The following ERCC8 variants were observed in gnomAD, a reference collection of about 807,000 sequenced individuals.
ERCC8 encodes the protein DNA excision repair protein ERCC-8.
ERCC8 carries 52 observed loss-of-function variants against 54.9 expected under a neutral mutation model. That is an observed-to-expected ratio of 0.95 (90% CI 0.76 to 1.19). ERCC8 has a LOEUF of 1.19. ERCC8 is among the 50% of genes most tolerant of loss of function. ERCC8 has a pLI of 0.00. For synonymous variants in ERCC8, 146 were observed against 157.2 expected (o/e 0.93, Z 0.53); for missense variants, 514 against 466.1 (o/e 1.10, Z -0.95).
intron 4 of ERCC8, among the ~76,000 whole-genome samples, chr5:60,912,045 T>C (rs565052971): frequency 1.3e-5 from 2 of 152,274 alleles, no homozygotes; most frequent in Admixed American, 1.3e-4. Context: ...AGCTTTGTTC[T>C]TTTGGCTTAG....
chr5:60,924,856 T>C (rs1749702085), intron 2 of ERCC8, among the ~76,000 whole-genome samples: 1 of 152,152 alleles, frequency 6.6e-6, no homozygotes, highest in Non-Finnish European at 1.5e-5. Flanking sequence ...AATATTTTTA[T>C]TTCTAATTTT....
Position 60,874,609 on chromosome 5 carries a change from T to C in ERCC8, c.*6A>G. On this transcript the variant is annotated 3_prime_UTR_variant, in exon 12 of 12. Coordinates refer to ENST00000676185, the MANE Select transcript of ERCC8 (RefSeq NM_000082.4). ...AGCAGAGACAAAAAGGTACTAAAGA[T>C]GATATTCATCCTTCTTCATCACTGC... 1 of 1,612,870 alleles carries C rather than the reference T, an allele frequency of 6.2e-7. No individual in the cohort carries two copies.
At chr5:60,911,998 G>T (rs985949763) in intron 4 of ERCC8, among the ~76,000 whole-genome samples, 7 of 151,958 alleles carry the variant, frequency 4.6e-5, no homozygotes, top group Admixed American at 3.3e-4. Context: ...ACTGTAGCCT[G>T]GTAGTACAGT....
chr5:60,879,960 T>C (rs1748153312), intron 11 of ERCC8, among the ~76,000 whole-genome samples: 1 of 152,228 alleles, frequency 6.6e-6, no homozygotes, highest in Non-Finnish European at 1.5e-5. Context: ...CTTCCTAGCC[T>C]TGATGGTCTT....
chr5:60,906,967 C>T (rs1466155046), intron 4 of ERCC8, among the ~76,000 whole-genome samples: 3 of 152,104 alleles, frequency 2.0e-5, no homozygotes, highest in Non-Finnish European at 4.4e-5. Context: ...CCAAAACCTA[C>T]TTTATTTACA....
chr5:60,871,923 C>G lies in ERCC8; in HGVS notation c.*2692G>C, dbSNP rs1747872324. Among the ~76,000 whole-genome samples, 1 of 152,100 alleles carries G rather than the reference C, an allele frequency of 6.6e-6. No individual in the cohort carries two copies. The highest frequency in any genetic ancestry group is 6.6e-5 in the Admixed American group (1 of 15,262). ...TCAAGTGATTCCCCAGCCTGAGTCT[C>G]CCAAGTAGCTGGGACTACAGGTGTG... On this transcript the variant is annotated 3_prime_UTR_variant, in exon 12 of 12. Coordinates refer to ENST00000676185, the MANE Select transcript of ERCC8 (RefSeq NM_000082.4).
At chr5:60,875,841 C>T (rs1341396716) in intron 11 of ERCC8, among the ~76,000 whole-genome samples, 1 of 152,022 alleles carries the variant, frequency 6.6e-6, no homozygotes, top group Non-Finnish European at 1.5e-5. Flanking sequence ...GGACTACAGA[C>T]GCCTGCCACC....
chr5:60,880,241 A>T (rs1210383863), intron 11 of ERCC8, among the ~76,000 whole-genome samples: 1 of 152,190 alleles, frequency 6.6e-6, no homozygotes, highest in Non-Finnish European at 1.5e-5. Flanking sequence ...ATCTGCTGTT[A>T]GTCTGATGGG....
intron 4 of ERCC8, chr5:60,910,008 T>A (rs1363384413): frequency 6.6e-6 from 1 of 151,940 alleles, no homozygotes; most frequent in Non-Finnish European, 1.5e-5. Flanking sequence ...ATGTATTACA[T>A]ATAACATACA....
chr5:60,879,209 T>C (rs1324793788), intron 11 of ERCC8, among the ~76,000 whole-genome samples: 4 of 152,272 alleles, frequency 2.6e-5, no homozygotes, highest in African/African-American at 9.6e-5. Context: ...TGAGTTCTAG[T>C]TTGATTGCAC....
chr5:60,923,434 T>C (rs1236031199), intron 2 of ERCC8, among the ~76,000 whole-genome samples: 6 of 152,094 alleles, frequency 3.9e-5, no homozygotes, highest in Non-Finnish European at 8.8e-5. Context: ...TGGCATAAAA[T>C]TGTCTAAAAA....
chr5:60,912,791 T>A lies in ERCC8; in HGVS notation c.399+5474A>T, dbSNP rs1269350902. 2.6e-5 allele frequency among the ~76,000 whole-genome samples: 4 copies of A among 152,152 alleles called. No homozygotes were observed. In the East Asian group the frequency reaches 7.7e-4, roughly 29 times the overall value. ...ATCAATACCTAGTTTATTGAGAGTTTTTGGCATGAAGGGCTGTTGCATTTT... is the reference window on the plus strand; with the variant it reads ...ATCAATACCTAGTTTATTGAGAGTTATTGGCATGAAGGGCTGTTGCATTTT... On this transcript the variant is annotated intron_variant, in intron 4 of 11. Transcript: ENST00000676185.
At chr5:60,877,858 T>A (rs1748063897) in intron 11 of ERCC8, among the ~76,000 whole-genome samples, 1 of 152,202 alleles carries the variant, frequency 6.6e-6, no homozygotes, top group Admixed American at 6.5e-5. Flanking sequence ...CTGAATACCC[T>A]TTATTTCCTT....
At chr5:60,943,088 T>C (rs906896102) in intron 1 of ERCC8, among the ~76,000 whole-genome samples, 4 of 151,906 alleles carry the variant, frequency 2.6e-5, no homozygotes, top group Non-Finnish European at 4.4e-5. Context: ...ATGGGAAACA[T>C]AGGGAGACCC....
chr5:60,886,270 G>A (rs1225225583), intron 11 of ERCC8, among the ~76,000 whole-genome samples: 2 of 152,002 alleles, frequency 1.3e-5, no homozygotes, highest in Admixed American at 6.6e-5. Context: ...CAATGGTCTT[G>A]TTCATCTTTG....
rs867667784 is a variant in ERCC8 at position 60,899,496 on chromosome 5, C to T, written c.718+131G>A. The T allele has an allele frequency of 2.1e-4, 139 of 671,148 alleles. No individual in the cohort carries two copies. In the Middle Eastern group the frequency reaches 3.1e-3, roughly 15 times the overall value. The allele number at this position is 671,148 out of a possible 1,614,324, so 41.6% of individuals were successfully genotyped here. A position where few individuals can be genotyped will look rare whatever the true frequency, so the allele number is the denominator to read the frequency against. The stretch of plus-strand genomic sequence containing the variant: ...TTATGTAAATTAAGAAAGTGATATA[C>T]GATGAATGCCTTTTGAAAAATCATA... On this transcript the variant is annotated intron_variant, in intron 8 of 11. Coordinates refer to ENST00000676185, the MANE Select transcript of ERCC8 (RefSeq NM_000082.4).
At chr5:60,922,556 G>A (rs1297553260) in intron 2 of ERCC8, among the ~76,000 whole-genome samples, 1 of 152,092 alleles carries the variant, frequency 6.6e-6, no homozygotes, top group African/African-American at 2.4e-5. Context: ...CTCTGGGCAA[G>A]TTATACCACC....
At chr5:60,915,108 A>C (rs1015643193) in intron 4 of ERCC8, 9 of 152,072 alleles carry the variant, frequency 5.9e-5, no homozygotes, top group African/African-American at 1.9e-4. Flanking sequence ...AAAAGTTTAC[A>C]AAAGTTCCTT....
chr5:60,898,007 T>G (rs548827856), intron 9 of ERCC8, among the ~76,000 whole-genome samples: 92 of 152,320 alleles, frequency 6.0e-4, no homozygotes, highest in African/African-American at 2.2e-3. Flanking sequence ...CCTCAGTCTT[T>G]TATTTTTCTC....
Sources: allele counts gnomAD v4.1 joint callset (sites outside exome capture counted in the v4.1 genomes callset), GRCh38; gene constraint gnomAD v4.1.1; transcripts MANE v1.5; gene names NCBI Gene and HGNC (gene_info 2026-07-23, HGNC 2026-07-21).